The following NSD1 variants were observed in gnomAD, a reference collection of about 807,000 sequenced individuals.
The protein encoded by NSD1 is histone-lysine N-methyltransferase, H3 lysine-36 specific.
NSD1 carries 26 observed loss-of-function variants against 242.7 expected under a neutral mutation model. That is an observed-to-expected ratio of 0.11 (90% CI 0.08 to 0.15). The LOEUF (loss-of-function observed/expected upper bound fraction) is 0.15. NSD1 is among the 10% of genes least tolerant of loss of function. The pLI is 1.00. For missense variants in NSD1, 2,495 were observed against 3,272.8 expected, an observed-to-expected ratio of 0.76 and a Z score of 5.80; for synonymous variants, 1,106 against 1,178.1, an observed-to-expected ratio of 0.94 and a Z score of 1.25.
chr5:177,192,677 T>G (rs1363655657), intron 3 of NSD1, among the ~76,000 whole-genome samples: 3 of 152,238 alleles, frequency 2.0e-5, no homozygotes, highest in Non-Finnish European at 4.4e-5. Context: ...ATTACAGGCA[T>G]GAGCCCTGCA....
rs1428731911 is a variant in NSD1, at chr5:177,212,486, T to TC, written c.3796+292dup. ...TTCTCTCTCTCTCTTTCTCTCTCTCTCTTTTTTTTTTTTTTCTAATTTTTT... is the reference window on the plus strand; with the variant it reads ...TTCTCTCTCTCTCTTTCTCTCTCTCTCCTTTTTTTTTTTTTTCTAATTTTTT... On this transcript the variant is annotated intron_variant, in intron 5 of 22. Transcript: ENST00000439151. 7.3e-5 allele frequency among the ~76,000 whole-genome samples: 7 copies of TC among 95,748 alleles called. No homozygotes were observed. The East Asian group carries it at 2.0e-3, about 27-fold the overall frequency. The allele number at this position is 95,748 out of a possible 152,430, so 62.8% of individuals were successfully genotyped here. A position where few individuals can be genotyped will look rare whatever the true frequency, so the allele number is the denominator to read the frequency against.
Position 177,294,488 on chromosome 5 carries a change from T to G in NSD1, c.7120T>G (p.Ser2374Ala), listed in dbSNP as rs775574988. ...AGGTGCTGCCAGCCCAAGGCCCCAGTCACTGGAGAAAACCTCAGTTCCCAC... is the reference window on the plus strand; with the variant it reads ...AGGTGCTGCCAGCCCAAGGCCCCAGGCACTGGAGAAAACCTCAGTTCCCAC... ...SIGAASPRPQ[S>A]LEKTSVPTGL... Residue 2374 changes from serine (S) to alanine (A), a missense_variant, in exon 23 of 23, where the codon TCA becomes GCA. Ser to Ala is a moderately conservative substitution (Grantham distance 99, BLOSUM62 1). Around this residue, in one of 19 missense-constraint regions of NSD1, gnomAD observed 475 missense variants for 563.7 expected, o/e 0.84. Transcript: ENST00000439151. 1 of 1,614,174 alleles carries G rather than the reference T, an allele frequency of 6.2e-7. No individual in the cohort carries two copies. Among genetic ancestry groups the G allele is most frequent in the Non-Finnish European group, 8.5e-7 (1 of 1,180,026 alleles).
At chr5:177,175,266 G>A (rs1467789925) in intron 2 of NSD1, among the ~76,000 whole-genome samples, 2 of 152,134 alleles carry the variant, frequency 1.3e-5, no homozygotes, top group Non-Finnish European at 2.9e-5. Flanking sequence ...AAAAGGTTAT[G>A]CTTAATTTTC....
At chr5:177,154,183 T>G (rs1757943542) in intron 2 of NSD1, among the ~76,000 whole-genome samples, 2 of 152,156 alleles carry the variant, frequency 1.3e-5, no homozygotes, top group Middle Eastern at 6.8e-3. Flanking sequence ...AGCTGGCTTT[T>G]CCCGGAGTGA....
intron 5 of NSD1, among the ~76,000 whole-genome samples, chr5:177,222,000 A>G (rs965329029): frequency 1.3e-5 from 2 of 151,892 alleles, no homozygotes; most frequent in Non-Finnish European, 1.5e-5. Context: ...TTGTGGAGAC[A>G]GGGTTTCACC....
rs138015054 is a variant in NSD1, at chr5:177,145,015, G to T, written c.927+8985G>T. 4.2e-3 allele frequency among the ~76,000 whole-genome samples: 637 copies of T among 151,266 alleles called. 3 individuals are homozygous for T. The highest frequency in any genetic ancestry group is 0.014 in the African/African-American group (583 of 41,186). On this transcript the variant is annotated intron_variant, in intron 2 of 22. Transcript: ENST00000439151. The stretch of plus-strand genomic sequence containing the variant: ...CAGGAGGATCGCTTGAACCCAGGAG[G>T]CAGAGGTTGCAGTAAGCTGGGATTG...
intron 20 of NSD1, among the ~76,000 whole-genome samples, chr5:177,284,367 A>G (rs1027083040): frequency 6.6e-6 from 1 of 152,168 alleles, no homozygotes; most frequent in Non-Finnish European, 1.5e-5. Flanking sequence ...TGCAGCCTCA[A>G]ACTGGGCTCA....
intron 4 of NSD1, among the ~76,000 whole-genome samples, chr5:177,208,620 T>TG (rs1763086678): frequency 6.6e-6 from 1 of 151,838 alleles, no homozygotes; most frequent in African/African-American, 2.4e-5. Flanking sequence ...CTCCACTTAC[T>TG]GGGTACAAAT....
chr5:177,269,319 A>G lies in NSD1; in HGVS notation c.5304-283A>G, dbSNP rs1024439210. ...TAATGCTTCAGTGAATGTTATTGTC[A>G]TAACTCTCTGTTCCTATATCATTAT... On this transcript the variant is annotated intron_variant, in intron 15 of 22. Coordinates refer to ENST00000439151, the MANE Select transcript of NSD1 (RefSeq NM_022455.5). This position sits in a 1 kb window ranked among gnomAD's most constrained non-coding sequence, Gnocchi z 5.1. Among the ~76,000 whole-genome samples the G allele has an allele frequency of 1.3e-5, 2 of 152,104 alleles. No homozygotes were observed. The highest frequency in any genetic ancestry group is 2.4e-5 in the African/African-American group (1 of 41,418).
intron 5 of NSD1, among the ~76,000 whole-genome samples, chr5:177,232,864 G>A (rs1765163254): frequency 6.6e-6 from 1 of 152,180 alleles, no homozygotes. Flanking sequence ...GGAGAAACTA[G>A]ACAGTGGTGT....
chr5:177,200,701 G>T (rs1034376228), intron 3 of NSD1, among the ~76,000 whole-genome samples: 1 of 151,964 alleles, frequency 6.6e-6, no homozygotes, highest in Non-Finnish European at 1.5e-5. Context: ...TGTCTTCTAA[G>T]TTCATCAATG....
At chr5:177,142,911 C>A (rs1756943214) in intron 2 of NSD1, among the ~76,000 whole-genome samples, 1 of 152,134 alleles carries the variant, frequency 6.6e-6, no homozygotes, top group African/African-American at 2.4e-5. Context: ...GATGCTAGAG[C>A]CTTGTGTACC....
Position 177,134,376 on chromosome 5 carries a change from AGGC to A in NSD1, c.-18+435_-18+437del. 6.5e-6 allele frequency: 1 copy of A among 152,766 alleles called. No individual in the cohort carries two copies. The highest frequency in any genetic ancestry group is 1.5e-5 in the Non-Finnish European group (1 of 68,150). 9.5% of individuals were successfully genotyped at this position (152,766 alleles called of 1,614,324 possible). On this transcript the variant is annotated intron_variant, in intron 1 of 22. Transcript: ENST00000439151. This position sits in a 1 kb window ranked among gnomAD's most constrained non-coding sequence, Gnocchi z 4.2. ...CTGCGGGAAGGAGCGCGGCCCGGGC[AGGC>A]GGCGGCGGCGTCGGCAGCAGCCATG...
Position 177,294,909 on chromosome 5 carries a change from A to G in NSD1, c.7541A>G (p.Gln2514Arg). The change falls in exon 23 of 23, where the codon CAG (glutamine) becomes CGG (arginine). Residue 2514 changes from glutamine (Q) to arginine (R), a missense_variant. This residue lies in a region of NSD1 where 475 missense variants were observed against 563.7 expected (regional missense o/e 0.84). Transcript: ENST00000439151. ...VEKGCVSDPL[Q>R]TSGKAAAPSE... ...AAAGGCTGTGTGTCAGATCCTCTTC[A>G]GACATCTGGGAAAGCAGCAGCCCCT... 1 of 1,614,124 alleles carries G rather than the reference A, an allele frequency of 6.2e-7. No individual in the cohort carries two copies. The highest frequency in any genetic ancestry group is 8.5e-7 in the Non-Finnish European group (1 of 1,180,010).
chr5:177,222,265 A>G (rs1440003799), intron 5 of NSD1, among the ~76,000 whole-genome samples: 1 of 152,170 alleles, frequency 6.6e-6, no homozygotes, highest in African/African-American at 2.4e-5. Flanking sequence ...AGTAGCTTGG[A>G]CTACAGGCGC....
chr5:177,266,464 A>T, intron 14 of NSD1: 2 of 618,954 alleles, frequency 3.2e-6, no homozygotes, highest in African/African-American at 1.8e-5. Context: ...GGAGTTGCCG[A>T]AGTGGGCGTA....
chr5:177,152,613 C>G (rs1277546104), intron 2 of NSD1, among the ~76,000 whole-genome samples: 1 of 151,552 alleles, frequency 6.6e-6, no homozygotes, highest in Non-Finnish European at 1.5e-5. Flanking sequence ...ACCAGCATGC[C>G]TGGCTAATTT....
intron 6 of NSD1, 45 bp downstream of exon 6, chr5:177,235,990 C>T: frequency 1.2e-6 from 2 of 1,607,172 alleles, no homozygotes; most frequent in Non-Finnish European, 1.7e-6. Context: ...CCTTAGGAAA[C>T]TGCAATTTTA....
At chr5:177,265,448 C>T in intron 14 of NSD1, 1 of 614,766 alleles carries the variant, frequency 1.6e-6, no homozygotes, top group South Asian at 2.0e-5. Context: ...CTCCCCATCC[C>T]CCCAGCCCAG....
Sources: gnomAD v4.1 joint callset for allele counts (sites outside exome capture counted in the v4.1 genomes callset) on GRCh38, gnomAD v4.1.1 for gene constraint, gnomAD v4.1.1 regional missense constraint, Gnocchi (gnomAD v3.1) non-coding constraint, MANE v1.5 for transcripts, NCBI Gene and HGNC (gene_info 2026-07-23, HGNC 2026-07-21) for gene names.